B3GAT2: variants seen among roughly 807,000 people sequenced by gnomAD.
The protein encoded by B3GAT2 is galactosylgalactosylxylosylprotein 3-beta-glucuronosyltransferase 2.
Under a neutral mutation model 27.8 loss-of-function variants are expected in B3GAT2, and 26 were observed. That is an observed-to-expected ratio of 0.93 (90% CI 0.68 to 1.30). The LOEUF (loss-of-function observed/expected upper bound fraction) is 1.30. Among genes scored for constraint, B3GAT2 ranks in the 50% most tolerant of loss-of-function variants. The pLI is 0.00. For synonymous variants in B3GAT2, 218 were observed against 195.1 expected (o/e 1.12, Z -0.98); for missense variants, 458 against 459.0 (o/e 1.00, Z 0.02).
chr6:70,948,315 T>A (rs1326392077), intron 1 of B3GAT2, among the ~76,000 whole-genome samples: 1 of 145,904 alleles, frequency 6.9e-6, no homozygotes, highest in Non-Finnish European at 1.5e-5. Context: ...ATGACATGGT[T>A]GTATATCTAG....
At chr6:70,954,232 G>T (rs998732359) in intron 1 of B3GAT2, among the ~76,000 whole-genome samples, 20 of 152,142 alleles carry the variant, frequency 1.3e-4, no homozygotes, top group Admixed American at 7.9e-4. Flanking sequence ...TTCTTTTGGA[G>T]GGGGGAGCAC....
chr6:70,929,114 A>T (rs909874639), intron 1 of B3GAT2, among the ~76,000 whole-genome samples: 1 of 152,136 alleles, frequency 6.6e-6, no homozygotes, highest in Non-Finnish European at 1.5e-5. Flanking sequence ...GCAAGGACAA[A>T]AAACCAAACA....
At chr6:70,946,643 C>T (rs931482542) in intron 1 of B3GAT2, among the ~76,000 whole-genome samples, 6 of 152,144 alleles carry the variant, frequency 3.9e-5, no homozygotes, top group Non-Finnish European at 7.3e-5. Context: ...GAGACTTTAA[C>T]ACCCCACTGT....
At chr6:70,902,637 TAC>T (rs1211771771) in intron 1 of B3GAT2, among the ~76,000 whole-genome samples, 1,642 of 133,354 alleles carry the variant, frequency 0.012, 21 homozygotes, top group South Asian at 0.044. Flanking sequence ...TATATATATA[TAC>T]ACACACACAC....
At chr6:70,879,525 C>T (rs1283547437) in intron 2 of B3GAT2, among the ~76,000 whole-genome samples, 1 of 145,628 alleles carries the variant, frequency 6.9e-6, no homozygotes, top group Non-Finnish European at 1.5e-5. Flanking sequence ...AACATACATA[C>T]CAGGCAAACT....
At position 70,894,269 on chromosome 6, in the gene B3GAT2, G is replaced by A. The variant is rs750513549; in HGVS notation, c.595C>T (p.Arg199Ter). 21 of 1,571,296 alleles carry A rather than the reference G, an allele frequency of 1.3e-5. No individual in the cohort carries two copies. The highest frequency in any genetic ancestry group is 1.6e-5 in the Non-Finnish European group (19 of 1,160,806). The change falls in exon 2 of 4, where the codon CGA becomes TGA. Residue 199 changes from arginine (R) to a stop codon, truncating the protein, a stop_gained. Coordinates refer to ENST00000230053, the MANE Select transcript of B3GAT2 (RefSeq NM_080742.3). LOFTEE classifies it high-confidence loss of function. ...CAGACGGAGACCTTGCGGGTGGTTC[G>A]CATCTATAAAAAGGGAAAAGACATG... Reference protein sequence around the residue: ...TYSLELFQEMRTTRKVSVWPV... With the variant: ...TYSLELFQEM
intron 1 of B3GAT2, among the ~76,000 whole-genome samples, chr6:70,940,910 C>T (rs1357632656): frequency 1.3e-5 from 2 of 152,108 alleles, no homozygotes; most frequent in Non-Finnish European, 2.9e-5. Flanking sequence ...ACATGTAAGT[C>T]AACTTCCTAG....
At chr6:70,865,140 T>G (rs192476707) in intron 2 of B3GAT2, among the ~76,000 whole-genome samples, 15 of 152,248 alleles carry the variant, frequency 9.9e-5, no homozygotes, top group Non-Finnish European at 1.5e-4. Flanking sequence ...GGCTTTTTTG[T>G]TTTTGGACAG....
intron 1 of B3GAT2, among the ~76,000 whole-genome samples, chr6:70,900,399 A>T (rs911105939): frequency 1.4e-5 from 2 of 140,036 alleles, no homozygotes; most frequent in African/African-American, 5.1e-5. Context: ...GCCCTTAACA[A>T]CAACCGGCTC....
At chr6:70,902,665 CATAT>C (rs55706412) in intron 1 of B3GAT2, among the ~76,000 whole-genome samples, 1 of 105,736 alleles carries the variant, frequency 9.5e-6, no homozygotes, top group Non-Finnish European at 2.1e-5. Flanking sequence ...CACACACACA[CATAT>C]ATATATATAC....
chr6:70,892,465 C>T (rs1447666774), intron 2 of B3GAT2, among the ~76,000 whole-genome samples: 2 of 152,176 alleles, frequency 1.3e-5, no homozygotes, highest in African/African-American at 4.8e-5. Flanking sequence ...AGACATCCCA[C>T]GTGTTAAGGA....
chr6:70,892,871 A>G, intron 2 of B3GAT2, among the ~76,000 whole-genome samples: 1 of 152,168 alleles, frequency 6.6e-6, no homozygotes, highest in Non-Finnish European at 1.5e-5. Context: ...ACCGTCCAAG[A>G]TGGCTCAGCT....
intron 2 of B3GAT2, among the ~76,000 whole-genome samples, chr6:70,862,266 T>G (rs1046827789): frequency 1.1e-4 from 16 of 152,194 alleles, no homozygotes; most frequent in African/African-American, 3.6e-4. Flanking sequence ...AGCTGCTGTT[T>G]CACAGTGATC....
At chr6:70,932,756 T>C (rs1371725481) in intron 1 of B3GAT2, among the ~76,000 whole-genome samples, 2 of 152,246 alleles carry the variant, frequency 1.3e-5, no homozygotes, top group Admixed American at 6.5e-5. Flanking sequence ...CTTTTCTTCA[T>C]GTTTAGAGGA....
intron 1 of B3GAT2, among the ~76,000 whole-genome samples, chr6:70,930,195 G>T (rs1306894787): frequency 6.6e-6 from 1 of 152,180 alleles, no homozygotes; most frequent in Non-Finnish European, 1.5e-5. Flanking sequence ...ATTAATTCAA[G>T]ATGGATTAAA....
intron 1 of B3GAT2, among the ~76,000 whole-genome samples, chr6:70,946,737 C>T (rs1398677193): frequency 1.3e-5 from 2 of 152,004 alleles, no homozygotes; most frequent in Non-Finnish European, 2.9e-5. Flanking sequence ...GGACCTAATA[C>T]ACATCTAAAG....
Position 70,860,761 on chromosome 6 carries a change from A to C in B3GAT2, c.*902T>G, listed in dbSNP as rs1055787769. 1.3e-5 allele frequency: 5 copies of C among 399,774 alleles called. No individual in the cohort carries two copies. Among genetic ancestry groups the C allele is most frequent in the African/African-American group, 4.1e-5 (2 of 48,608 alleles). The allele number at this position is 399,774 out of a possible 1,614,324, so 24.8% of individuals were successfully genotyped here. On this transcript the variant is annotated 3_prime_UTR_variant, in exon 4 of 4. Transcript: ENST00000230053. Reference sequence around the variant, plus strand: ...TATGATCAAATGTTTAATCATATAAATAGAATGTAAATGTCTCACTGAGCA... The same window carrying C: ...TATGATCAAATGTTTAATCATATAACTAGAATGTAAATGTCTCACTGAGCA...
chr6:70,905,850 C>T (rs1297774906), intron 1 of B3GAT2, among the ~76,000 whole-genome samples: 1 of 151,758 alleles, frequency 6.6e-6, no homozygotes, highest in Non-Finnish European at 1.5e-5. Context: ...ACTTTTTCTT[C>T]TTAAAAAAAT....
At chr6:70,954,633 T>C (rs1337271679) in intron 1 of B3GAT2, among the ~76,000 whole-genome samples, 1 of 152,118 alleles carries the variant, frequency 6.6e-6, no homozygotes, top group Non-Finnish European at 1.5e-5. Context: ...AGTGTCCAAC[T>C]CACACATAGT....
Sources: allele counts gnomAD v4.1 joint callset (sites outside exome capture counted in the v4.1 genomes callset), GRCh38; gene constraint gnomAD v4.1.1; transcripts MANE v1.5; gene names NCBI Gene and HGNC (gene_info 2026-07-23, HGNC 2026-07-21).